Variants in EYA3 observed in about 807,000 individuals in gnomAD.
EYA3 encodes the protein EYA transcriptional coactivator and phosphatase 3, also known as protein phosphatase EYA3.
A neutral mutation model predicts 80.0 loss-of-function variants in EYA3; 39 were observed. The observed-to-expected ratio is 0.49, with a 90% CI of 0.38 to 0.64. The LOEUF (loss-of-function observed/expected upper bound fraction) is 0.64. Among genes scored for constraint, EYA3 ranks in the 30% least tolerant of loss-of-function variants. The pLI is 0.00. For missense variants in EYA3, 523 were observed against 676.1 expected, an observed-to-expected ratio of 0.77 and a Z score of 2.51; for synonymous variants, 206 against 232.8, an observed-to-expected ratio of 0.88 and a Z score of 1.05.
intron 16 of EYA3, 34 bp from the exon 17 acceptor site, chr1:27,978,508 T>G: frequency 6.4e-7 from 1 of 1,563,024 alleles, no homozygotes; most frequent in Non-Finnish European, 8.8e-7. Context: ...GTTAGAATAC[T>G]CTTCTCTTCT....
rs1638760919 is a variant in EYA3 at position 27,972,214 on chromosome 1, A to AG, written c.*2251dup. On this transcript the variant is annotated 3_prime_UTR_variant, in exon 18 of 18. Coordinates refer to ENST00000373871, the MANE Select transcript of EYA3 (RefSeq NM_001990.4). The stretch of plus-strand genomic sequence containing the variant: ...CAAAAACCCAACAGCTATACTGCAT[A>AG]GGGGGAGGGTTTGAGGCCTCAGAGT... 1 of 152,180 alleles carries AG rather than the reference A, an allele frequency of 6.6e-6. No individual in the cohort carries two copies. The highest frequency in any genetic ancestry group is 2.1e-4 in the South Asian group (1 of 4,836). The allele number at this position is 152,180 out of a possible 1,614,324, so 9.4% of individuals were successfully genotyped here.
chr1:27,999,896 A>G, intron 12 of EYA3, 64 bp downstream of exon 12: 1 of 1,237,180 alleles, frequency 8.1e-7, no homozygotes. Context: ...TAATAAGCAA[A>G]AGCTCTAAAT....
In EYA3 at chr1:28,030,429, AC is replaced by A. The variant is rs1240349207; in HGVS notation, c.362-2504del. On this transcript the variant is annotated intron_variant, in intron 6 of 17. Transcript: ENST00000373871. ...TGCCTCAAACCCCCGAATAGCTGGGACCACAGGCACACTACGCCTGGCTACT... is the reference window on the plus strand; with the variant it reads ...TGCCTCAAACCCCCGAATAGCTGGGACACAGGCACACTACGCCTGGCTACT... Among the ~76,000 whole-genome samples the A allele has an allele frequency of 7.9e-5, 12 of 152,210 alleles. No individual in the cohort carries two copies. In the East Asian group the frequency reaches 9.7e-4, roughly 12 times the overall value.
chr1:27,982,567 ATCTG>A (rs1483230629), intron 16 of EYA3, among the ~76,000 whole-genome samples: 12 of 151,326 alleles, frequency 7.9e-5, no homozygotes, highest in Admixed American at 7.9e-4. Flanking sequence ...CTGTACATTT[ATCTG>A]TCTGCAATGT....
chr1:27,999,930 T>A, intron 12 of EYA3, 30 bp downstream of exon 12: 2 of 1,451,958 alleles, frequency 1.4e-6, no homozygotes, highest in Non-Finnish European at 1.9e-6. Flanking sequence ...AGTGTCTCAG[T>A]GAAGCACAGA....
chr1:27,977,430 T>C (rs1172398543), intron 17 of EYA3: 11 of 1,531,948 alleles, frequency 7.2e-6, no homozygotes, highest in East Asian at 2.5e-5. Context: ...AAAGAACTTC[T>C]ACAGATCCAT....
intron 16 of EYA3, among the ~76,000 whole-genome samples, chr1:27,979,110 T>C (rs1186178771): frequency 6.6e-6 from 1 of 152,178 alleles, no homozygotes; most frequent in Non-Finnish European, 1.5e-5. Flanking sequence ...AGCAAGTAGC[T>C]AGAACTTGGG....
intron 3 of EYA3, among the ~76,000 whole-genome samples, chr1:28,043,037 G>A (rs1233236500): frequency 6.6e-6 from 1 of 152,006 alleles, no homozygotes; most frequent in East Asian, 1.9e-4. Flanking sequence ...TAGAGACGGG[G>A]TTTCACCATG....
At chr1:27,980,856 C>CTTG (rs1336474899) in intron 16 of EYA3, among the ~76,000 whole-genome samples, 7 of 152,162 alleles carry the variant, frequency 4.6e-5, no homozygotes, top group African/African-American at 1.7e-4. Flanking sequence ...TTGGGCAACA[C>CTTG]AGTGGGACCT....
chr1:28,067,536 C>G (rs779862309), intron 1 of EYA3, among the ~76,000 whole-genome samples: 15 of 152,094 alleles, frequency 9.9e-5, no homozygotes, highest in Non-Finnish European at 2.1e-4. Context: ...CCAACTTTTT[C>G]CATTAGAAAA....
At position 28,019,107 on chromosome 1, in the gene EYA3, A is replaced by G. The variant is rs1642257284; in HGVS notation, c.500-1868T>C. 2.0e-5 allele frequency among the ~76,000 whole-genome samples: 3 copies of G among 152,314 alleles called. No individual in the cohort carries two copies. The South Asian group carries it at 6.2e-4, about 32-fold the overall frequency. On this transcript the variant is annotated intron_variant, in intron 7 of 17. Transcript: ENST00000373871. ...CTTAAACTCGGGAGGCAGAGGTTGC[A>G]GTGAGCTGAGATCGCGCCACTGCAC...
intron 16 of EYA3, among the ~76,000 whole-genome samples, chr1:27,981,727 G>A (rs948830481): frequency 3.4e-5 from 5 of 147,544 alleles, no homozygotes; most frequent in African/African-American, 5.0e-5. Flanking sequence ...GTAGTGAGTC[G>A]TGATCACTGA....
rs1638779175 is a variant in EYA3, at chr1:27,972,740, C to T, written c.*1726G>A. On this transcript the variant is annotated 3_prime_UTR_variant, in exon 18 of 18. Coordinates refer to ENST00000373871, the MANE Select transcript of EYA3 (RefSeq NM_001990.4). ...AATTTTATCCTGCCTGAGTAGATGC[C>T]CAAATTGCTCTTGGAGGGATGGGGC... 1.3e-5 allele frequency: 2 copies of T among 152,232 alleles called. No homozygotes were observed. Among genetic ancestry groups the T allele is most frequent in the Non-Finnish European group, 2.9e-5 (2 of 68,070 alleles). 9.4% of individuals were successfully genotyped at this position (152,232 alleles called of 1,614,324 possible). A position where few individuals can be genotyped will look rare whatever the true frequency, so the allele number is the denominator to read the frequency against.
intron 1 of EYA3, among the ~76,000 whole-genome samples, chr1:28,076,135 G>A (rs1645191709): frequency 6.6e-6 from 1 of 152,090 alleles, no homozygotes; most frequent in Admixed American, 6.6e-5. Flanking sequence ...TCCCTGATGG[G>A]ACTTTCTGTA....
chr1:27,996,250 A>G (rs944852380), intron 13 of EYA3, among the ~76,000 whole-genome samples: 1 of 152,240 alleles, frequency 6.6e-6, no homozygotes, highest in Non-Finnish European at 1.5e-5. Flanking sequence ...CAAACTAGGA[A>G]GGATTAATAT....
chr1:28,076,975 A>C (rs751294470), intron 1 of EYA3, among the ~76,000 whole-genome samples: 7 of 151,698 alleles, frequency 4.6e-5, no homozygotes, highest in African/African-American at 1.7e-4. Flanking sequence ...TTCTGACCTC[A>C]GGTGATCCAC....
At chr1:28,076,802 G>A (rs560993559) in intron 1 of EYA3, among the ~76,000 whole-genome samples, 44 of 146,090 alleles carry the variant, frequency 3.0e-4, no homozygotes, top group African/African-American at 1.1e-3. Flanking sequence ...GTGCGATGGC[G>A]TGATCTCGGC....
chr1:28,000,955 CT>C, intron 11 of EYA3, among the ~76,000 whole-genome samples: 1 of 152,028 alleles, frequency 6.6e-6, no homozygotes, highest in African/African-American at 2.4e-5. Context: ...GTCCCAGGTA[CT>C]TGGAAGGCTG....
Position 27,974,450 on chromosome 1 carries a change from C to T in EYA3, c.*16G>A. 1 of 1,604,384 alleles carries T rather than the reference C, an allele frequency of 6.2e-7. No individual in the cohort carries two copies. Among genetic ancestry groups the T allele is most frequent in the Non-Finnish European group, 8.5e-7 (1 of 1,172,220 alleles). ...AGTGAAAAGGAGCTCAAGGGGAAGG[C>T]TCCTCATTCCAGTTCTTAGAGAAAA... On this transcript the variant is annotated 3_prime_UTR_variant, in exon 18 of 18. Coordinates refer to ENST00000373871, the MANE Select transcript of EYA3 (RefSeq NM_001990.4).
Sources: gnomAD v4.1 joint callset for allele counts (sites outside exome capture counted in the v4.1 genomes callset) on GRCh38, gnomAD v4.1.1 for gene constraint, MANE v1.5 for transcripts, NCBI Gene and HGNC (gene_info 2026-07-23, HGNC 2026-07-21) for gene names.